NKAIN3: variants seen among roughly 807,000 people sequenced by gnomAD.
NKAIN3 encodes sodium/potassium transporting ATPase interacting 3, also known as sodium/potassium-transporting ATPase subunit beta-1-interacting protein 3.
NKAIN3 carries 25 observed loss-of-function variants against 30.2 expected under a neutral mutation model. That is an observed-to-expected ratio of 0.83 (90% CI 0.60 to 1.16). The LOEUF (loss-of-function observed/expected upper bound fraction) is 1.16. Ranked by LOEUF, NKAIN3 falls within the 50% of genes most tolerant of loss-of-function variation. NKAIN3 has a pLI of 0.00. For synonymous variants in NKAIN3, 91 were observed against 89.6 expected (o/e 1.02, Z -0.09); for missense variants, 225 against 254.1 (o/e 0.89, Z 0.78).
At chr8:62,811,131 T>G (rs924255692) in intron 4 of NKAIN3, among the ~76,000 whole-genome samples, 1 of 152,148 alleles carries the variant, frequency 6.6e-6, no homozygotes, top group African/African-American at 2.4e-5. Flanking sequence ...CAAGAATTTT[T>G]TACAAATGGA....
chr8:62,607,925 A>G (rs940953690), intron 3 of NKAIN3, among the ~76,000 whole-genome samples: 2 of 152,142 alleles, frequency 1.3e-5, no homozygotes, highest in African/African-American at 4.8e-5. Context: ...TAATTTATTA[A>G]CTTTTCCAAG....
intron 4 of NKAIN3, among the ~76,000 whole-genome samples, chr8:62,904,243 G>T (rs1234693343): frequency 6.6e-6 from 1 of 152,060 alleles, no homozygotes; most frequent in Non-Finnish European, 1.5e-5. Context: ...AGTTCAACAG[G>T]GTGACTGGAA....
chr8:62,636,017 T>C (rs1812116560), intron 3 of NKAIN3, among the ~76,000 whole-genome samples: 1 of 152,146 alleles, frequency 6.6e-6, no homozygotes, highest in African/African-American at 2.4e-5. Flanking sequence ...ACAAGTTCAG[T>C]CTGCACCAAG....
At chr8:62,388,976 G>A (rs974038880) in intron 1 of NKAIN3, among the ~76,000 whole-genome samples, 2 of 152,276 alleles carry the variant, frequency 1.3e-5, no homozygotes, top group South Asian at 2.1e-4. Flanking sequence ...TGGTAAAAAT[G>A]TAAAGAAGAC....
intron 1 of NKAIN3, among the ~76,000 whole-genome samples, chr8:62,276,477 T>C (rs767363632): frequency 8.5e-5 from 13 of 152,182 alleles, no homozygotes; most frequent in Non-Finnish European, 1.6e-4. Flanking sequence ...TAGATATAGA[T>C]CAATTATTGT....
chr8:62,661,109 T>A (rs550872259), intron 3 of NKAIN3, among the ~76,000 whole-genome samples: 21 of 152,292 alleles, frequency 1.4e-4, no homozygotes, highest in African/African-American at 5.1e-4. Context: ...GAAACATACA[T>A]TATTCAGTTT....
chr8:62,389,765 T>C (rs1171053724), intron 1 of NKAIN3, among the ~76,000 whole-genome samples: 1 of 152,146 alleles, frequency 6.6e-6, no homozygotes, highest in African/African-American at 2.4e-5. Context: ...TACAGTTTGG[T>C]AGAGAATGCA....
chr8:62,702,838 G>A (rs1271821536), intron 3 of NKAIN3, among the ~76,000 whole-genome samples: 1 of 152,118 alleles, frequency 6.6e-6, no homozygotes, highest in Admixed American at 6.5e-5. Flanking sequence ...GGTTTCACTT[G>A]GATTCCTAGA....
At chr8:62,634,439 C>G (rs930182128) in intron 3 of NKAIN3, among the ~76,000 whole-genome samples, 1 of 152,188 alleles carries the variant, frequency 6.6e-6, no homozygotes, top group African/African-American at 2.4e-5. Flanking sequence ...GACCTCCCTT[C>G]TCCACAGCTG....
chr8:62,351,490 A>T (rs1000849201), intron 1 of NKAIN3, among the ~76,000 whole-genome samples: 5 of 149,374 alleles, frequency 3.3e-5, no homozygotes, highest in African/African-American at 1.2e-4. Context: ...GACTGTTTAT[A>T]TTATAATATA....
At chr8:62,810,854 T>G (rs1413564136) in intron 4 of NKAIN3, among the ~76,000 whole-genome samples, 3 of 152,152 alleles carry the variant, frequency 2.0e-5, no homozygotes, top group African/African-American at 7.2e-5. Context: ...ATTGGATTCA[T>G]GTACAGCTGT....
intron 3 of NKAIN3, among the ~76,000 whole-genome samples, chr8:62,632,263 A>G (rs1376208018): frequency 2.0e-5 from 3 of 152,164 alleles, no homozygotes; most frequent in African/African-American, 7.2e-5. Context: ...TTTTAATATA[A>G]TCTGCTAATA....
intron 3 of NKAIN3, among the ~76,000 whole-genome samples, chr8:62,638,721 A>G (rs1402524738): frequency 1.3e-5 from 2 of 152,064 alleles, no homozygotes; most frequent in Admixed American, 6.6e-5. Context: ...TCCTACTGCT[A>G]TTGATTTAAC....
chr8:62,761,920 C>G (rs908332804), intron 4 of NKAIN3, among the ~76,000 whole-genome samples: 8 of 152,174 alleles, frequency 5.3e-5, no homozygotes, highest in African/African-American at 1.9e-4. Flanking sequence ...TGGCCCTTTA[C>G]TTCCTCTAGA....
In NKAIN3 at chr8:62,280,737, G is replaced by T. The variant is rs182009605; in HGVS notation, c.54+31610G>T. ...CCAGGGATAAAGCCAACTTGATCGT[G>T]GTGGATAAGCTTTTTGATGTGCTGC... is the stretch of plus-strand genomic sequence containing the variant. On this transcript the variant is annotated intron_variant, in intron 1 of 6. Transcript: ENST00000623646. 1.4e-3 allele frequency among the ~76,000 whole-genome samples: 215 copies of T among 152,274 alleles called. 1 individual carries two copies. The highest frequency in any genetic ancestry group is 4.9e-3 in the Admixed American group (75 of 15,292).
intron 1 of NKAIN3, among the ~76,000 whole-genome samples, chr8:62,350,941 C>T (rs962409024): frequency 8.6e-5 from 13 of 151,916 alleles, no homozygotes; most frequent in South Asian, 6.2e-4. Context: ...CCACCCACTT[C>T]GGCCTCCCAA....
intron 1 of NKAIN3, among the ~76,000 whole-genome samples, chr8:62,432,098 A>G (rs1805020329): frequency 6.6e-6 from 1 of 151,840 alleles, no homozygotes; most frequent in African/African-American, 2.4e-5. Context: ...TAATCTCTCA[A>G]TTTGCTTCTC....
chr8:62,582,938 G>A lies in NKAIN3; in HGVS notation c.192+3262G>A, dbSNP rs754399302. 7.2e-5 allele frequency among the ~76,000 whole-genome samples: 11 copies of A among 152,148 alleles called. 1 individual carries two copies. Among genetic ancestry groups the A allele is most frequent in the Non-Finnish European group, 1.3e-4 (9 of 68,018 alleles). On this transcript the variant is annotated intron_variant, in intron 2 of 6. Transcript: ENST00000623646. ...GTGTCATGGGCCTCCTGCTGCACCT[G>A]CCTCACCAGCCTCATGCTCTGGTAG...
At chr8:62,319,701 T>A (rs1294105521) in intron 1 of NKAIN3, among the ~76,000 whole-genome samples, 2 of 152,228 alleles carry the variant, frequency 1.3e-5, no homozygotes, top group African/African-American at 4.8e-5. Flanking sequence ...AAGAGACAAT[T>A]TATTATAATT....
Sources: allele counts gnomAD v4.1 joint callset (sites outside exome capture counted in the v4.1 genomes callset), GRCh38; gene constraint gnomAD v4.1.1; transcripts MANE v1.5; gene names NCBI Gene and HGNC (gene_info 2026-07-23, HGNC 2026-07-21).